The following SLC6A13 variants were observed in gnomAD, a reference collection of about 807,000 sequenced individuals.
The protein encoded by SLC6A13 is solute carrier family 6 member 13, also known as sodium- and chloride-dependent GABA transporter 2.
A neutral mutation model predicts 72.9 loss-of-function variants in SLC6A13; 69 were observed. The ratio of observed to expected loss-of-function variants is 0.95; its 90% CI spans 0.78 to 1.16. SLC6A13 has a LOEUF of 1.16. Among genes scored for constraint, SLC6A13 ranks in the 50% most tolerant of loss-of-function variants. The pLI, the probability that SLC6A13 is intolerant of heterozygous loss-of-function variation, is 0.00. For missense variants in SLC6A13, 735 were observed against 760.5 expected (o/e 0.97, Z 0.39); for synonymous variants, 303 against 303.0 (o/e 1.00, Z 0.00).
intron 5 of SLC6A13, 120 bp downstream of exon 5, chr12:237,806 A>C: frequency 2.7e-6 from 2 of 746,860 alleles, no homozygotes; most frequent in Non-Finnish European, 4.6e-6. Flanking sequence ...CCACAGAAAA[A>C]AGCCACTTAG....
At chr12:248,383 G>A (rs1486313886) in intron 2 of SLC6A13, among the ~76,000 whole-genome samples, 2 of 139,260 alleles carry the variant, frequency 1.4e-5, no homozygotes, top group African/African-American at 2.7e-5. Flanking sequence ...CAGCCTAGGC[G>A]ACAGCAAGAC....
chr12:239,253 T>C (rs10774019), intron 4 of SLC6A13, among the ~76,000 whole-genome samples: 12,691 of 31,262 alleles, frequency 0.41, 1,307 homozygotes, highest in Middle Eastern at 0.52. Context: ...CACCATTCCC[T>C]TCAGCCACCG....
At chr12:230,095 C>T (rs1445784659) in intron 7 of SLC6A13, among the ~76,000 whole-genome samples, 1 of 152,042 alleles carries the variant, frequency 6.6e-6, no homozygotes, top group Non-Finnish European at 1.5e-5. Flanking sequence ...GGGAAGAGAA[C>T]GGGGTCAGAG....
At chr12:238,200 A>ATCTATGTAC (rs2137287682) in intron 4 of SLC6A13, 190 bp from the exon 5 acceptor site, 6 of 1,529,522 alleles carry the variant, frequency 3.9e-6, no homozygotes, top group Admixed American at 2.0e-5. Context: ...TCTCTCCCGC[A>ATCTATGTAC]CACTTGGACA....
intron 3 of SLC6A13, 51 bp downstream of exon 3, chr12:243,628 G>C (rs1347872315): frequency 6.3e-7 from 1 of 1,578,742 alleles, no homozygotes; most frequent in Admixed American, 1.8e-5. Flanking sequence ...TCCAAACAAG[G>C]TTTATAACCA....
chr12:229,980 G>C (rs1941639395), intron 7 of SLC6A13, among the ~76,000 whole-genome samples: 1 of 152,116 alleles, frequency 6.6e-6, no homozygotes, highest in African/African-American at 2.4e-5. Flanking sequence ...TGAGAACCCA[G>C]AGCGCAAGGG....
At position 253,203 on chromosome 12, in the gene SLC6A13, C is replaced by G. The variant is rs3782858; in HGVS notation, c.202+6648G>C. Among the ~76,000 whole-genome samples the G allele has an allele frequency of 1.1e-3, 175 of 152,308 alleles. 1 individual carries two copies. Among genetic ancestry groups the G allele is most frequent in the African/African-American group, 3.4e-3 (143 of 41,574 alleles). ...AGAAAGCAATCACTCTCTTGGCCCC[C>G]CTTCTCAAAAGGAGCACGCTCTGTG... On this transcript the variant is annotated intron_variant, in intron 2 of 14. Transcript: ENST00000343164.
At chr12:238,347 C>G (rs370006941) in intron 4 of SLC6A13, 1 of 1,323,764 alleles carries the variant, frequency 7.6e-7, no homozygotes, top group Non-Finnish European at 9.9e-7. Context: ...TCACCACCTT[C>G]GAGGAATAAT....
intron 2 of SLC6A13, among the ~76,000 whole-genome samples, chr12:255,204 C>G (rs1942698219): frequency 6.6e-6 from 1 of 152,128 alleles, no homozygotes; most frequent in Admixed American, 6.5e-5. Context: ...GCTACTCGCT[C>G]TGCCAGCAAC....
At chr12:240,762 C>T (rs1245998866) in intron 4 of SLC6A13, among the ~76,000 whole-genome samples, 1 of 152,144 alleles carries the variant, frequency 6.6e-6, no homozygotes, top group African/African-American at 2.4e-5. Context: ...CCTGGGGTGT[C>T]GGAGGAGGTA....
rs763809753 is a variant in SLC6A13, at chr12:235,095, G to T, written c.826C>A (p.Pro276Thr). Reference sequence around the variant, plus strand: ...TCCTGTCTGTGGCTTCTTACCTGGGGATCCCACAGACGCGTGAGGTTTGGG... The same window carrying T: ...TCCTGTCTGTGGCTTCTTACCTGGGTATCCCACAGACGCGTGAGGTTTGGG... ...LYPNLTRLWD[P>T]QVWMDAGTQI... Residue 276 changes from proline (P) to threonine (T), a missense_variant, in exon 7 of 15, where the codon CCC becomes ACC. Physicochemically the swap from Pro to Thr is conservative, Grantham distance 38 (BLOSUM62 -1). Transcript: ENST00000343164. 6.2e-7 allele frequency: 1 copy of T among 1,614,194 alleles called. No homozygotes were observed. Among genetic ancestry groups the T allele is most frequent in the Non-Finnish European group, 8.5e-7 (1 of 1,180,022 alleles).
In SLC6A13 at chr12:220,668, C is replaced by T. The variant is rs889352098; in HGVS notation, c.*280G>A. 2.4e-5 allele frequency: 10 copies of T among 409,808 alleles called. No individual in the cohort carries two copies. Among genetic ancestry groups the T allele is most frequent in the East Asian group, 1.7e-4 (3 of 17,520 alleles). 25.4% of individuals were successfully genotyped at this position (409,808 alleles called of 1,614,324 possible). A position where few individuals can be genotyped will look rare whatever the true frequency, so the allele number is the denominator to read the frequency against. Reference sequence around the variant, plus strand: ...TAATGGAATGAAGGATGAGAGGGCCCGAAGCCAGCAAGTCTCGCCCCACCT... The same window carrying T: ...TAATGGAATGAAGGATGAGAGGGCCTGAAGCCAGCAAGTCTCGCCCCACCT... On this transcript the variant is annotated 3_prime_UTR_variant, in exon 15 of 15. Coordinates refer to ENST00000343164, the MANE Select transcript of SLC6A13 (RefSeq NM_016615.5).
rs753978131 is a variant in SLC6A13, at chr12:224,489, T to G, written c.1085A>C (p.Tyr362Ser). The change falls in exon 10 of 15, where the codon TAC becomes TCC. Residue 362 changes from tyrosine (Y) to serine (S), a missense_variant. Tyr to Ser is a moderately radical substitution (Grantham distance 144, BLOSUM62 -2). Transcript: ENST00000343164. Reference protein sequence around the residue: ...ESGPGLAFIAYPRAVVMLPFS... With the variant: ...ESGPGLAFIASPRAVVMLPFS... ...GGGCAGCATCACCACAGCCCGCGGG[T>G]AAGCGATGAAAGCCAGGCCAGGGCC... The G allele has an allele frequency of 1.9e-6, 3 of 1,613,704 alleles. No homozygotes were observed.
Position 259,957 on chromosome 12 carries a change from C to G in SLC6A13, c.96G>C (p.Arg32=). 1 of 1,614,216 alleles carries G rather than the reference C, an allele frequency of 6.2e-7. No homozygotes were observed. The highest frequency in any genetic ancestry group is 8.5e-7 in the Non-Finnish European group (1 of 1,180,016). ...ACTCCATCTTGTTGTTCCAGTGCCC[C>G]CGCTCCAGGGTGCCATCTTCCTCCT... ...EKKEEDGTLE[R]GHWNNKMEFV... is the part of the protein sequence containing the mutation. The change falls in exon 2 of 15, where the codon CGG becomes CGC. Residue 32 remains arginine, a synonymous_variant. Coordinates refer to ENST00000343164, the MANE Select transcript of SLC6A13 (RefSeq NM_016615.5).
At chr12:238,081 G>T in intron 4 of SLC6A13, 71 bp from the exon 5 acceptor site, 1 of 1,581,702 alleles carries the variant, frequency 6.3e-7, no homozygotes, top group Non-Finnish European at 8.7e-7. Flanking sequence ...CTGGAGAGTG[G>T]GGTGAAATTC....
chr12:256,566 G>GT (rs1942753706), intron 2 of SLC6A13: 1 of 152,174 alleles, frequency 6.6e-6, no homozygotes, highest in Admixed American at 6.5e-5. Context: ...GTTTTCAGCT[G>GT]TTTGCCTTGT....
chr12:262,663 A>C, intron 1 of SLC6A13, 126 bp downstream of exon 1: 1 of 984,494 alleles, frequency 1.0e-6, no homozygotes, highest in Non-Finnish European at 1.2e-6. Context: ...GCACACATAC[A>C]TGTCAGAAGC....
chr12:228,366 C>T (rs1331392222), intron 7 of SLC6A13, among the ~76,000 whole-genome samples: 3 of 152,054 alleles, frequency 2.0e-5, no homozygotes, highest in Non-Finnish European at 2.9e-5. Flanking sequence ...GCAACAGGAC[C>T]GAGCGACCCT....
chr12:221,583 CG>C, intron 13 of SLC6A13, 37 bp from the exon 14 acceptor site: 3 of 1,076,676 alleles, frequency 2.8e-6, no homozygotes, highest in Non-Finnish European at 4.0e-6. Flanking sequence ...GGTTGGGGGG[CG>C]GGGGCCTTGT....
Sources: allele counts gnomAD v4.1 joint callset (sites outside exome capture counted in the v4.1 genomes callset), GRCh38; gene constraint gnomAD v4.1.1; transcripts MANE v1.5; gene names NCBI Gene and HGNC (gene_info 2026-07-23, HGNC 2026-07-21).